The following LONRF2 variants were observed in gnomAD, a reference collection of about 807,000 sequenced individuals.
LONRF2 encodes the protein LON peptidase N-terminal domain and RING finger protein 2.
Under a neutral mutation model 66.6 loss-of-function variants are expected in LONRF2, and 35 were observed. The observed-to-expected ratio is 0.53, with a 90% confidence interval of 0.40 to 0.70. The LOEUF (loss-of-function observed/expected upper bound fraction) is 0.70, where lower values mean the gene tolerates loss of function less well. Ranked by LOEUF, LONRF2 falls within the 30% of genes least tolerant of loss-of-function variation. The pLI is 0.00. For synonymous variants in LONRF2, 417 were observed against 418.1 expected (o/e 1.00, Z 0.03); for missense variants, 902 against 1,002.1 (o/e 0.90, Z 1.35).
rs1674569873 is a variant in LONRF2, at chr2:100,275,004, G to A, written c.*9294C>T. 6.6e-6 allele frequency: 1 copy of A among 152,328 alleles called. No individual in the cohort carries two copies. The highest frequency in any genetic ancestry group is 2.1e-4 in the South Asian group (1 of 4,832). 9.4% of individuals were successfully genotyped at this position (152,328 alleles called of 1,614,324 possible). A position where few individuals can be genotyped will look rare whatever the true frequency, so the allele number is the denominator to read the frequency against. ...TGGCACAGGGCATGCCTCGCCTCTT[G>A]GCTGCGCGTGGCTTACTAACTGGAC... On this transcript the variant is annotated 3_prime_UTR_variant, in exon 12 of 12. Coordinates refer to ENST00000393437, the MANE Select transcript of LONRF2 (RefSeq NM_198461.4).
At chr2:100,305,168 A>C (rs190082047) in intron 2 of LONRF2, among the ~76,000 whole-genome samples, 1 of 152,274 alleles carries the variant, frequency 6.6e-6, no homozygotes, top group East Asian at 1.9e-4. Flanking sequence ...GTGGAGATAG[A>C]CAGAACTCAG....
Position 100,280,786 on chromosome 2 carries a change from A to G in LONRF2, c.*3512T>C, listed in dbSNP as rs1036809830. The G allele has an allele frequency of 1.3e-5, 2 of 152,270 alleles. No individual in the cohort carries two copies. Among genetic ancestry groups the G allele is most frequent in the African/African-American group, 2.4e-5 (1 of 41,552 alleles). 9.4% of individuals were successfully genotyped at this position (152,270 alleles called of 1,614,324 possible). ...ACAGAGTGAGACCCCATCTCAAAAA[A>G]AATAAAAATGGGGATACAGGGACCT... On this transcript the variant is annotated 3_prime_UTR_variant, in exon 12 of 12. Transcript: ENST00000393437.
rs1326830189 is a variant in LONRF2 at position 100,290,564 on chromosome 2, TAA to T, written c.1758-146_1758-145del. ...ATCAGACCAGCAAGGTTATTGTCGC[TAA>T]GAGACACGTGCACATGGTCGCTTCT... On this transcript the variant is annotated intron_variant, in intron 9 of 11. Transcript: ENST00000393437. 9 of 793,146 alleles carry T rather than the reference TAA, an allele frequency of 1.1e-5. No individual in the cohort carries two copies. In the African/African-American group the frequency reaches 1.2e-4, roughly 11 times the overall value. 49.1% of individuals were successfully genotyped at this position (793,146 alleles called of 1,614,324 possible).
intron 7 of LONRF2, among the ~76,000 whole-genome samples, chr2:100,297,888 A>G (rs1237754284): frequency 6.6e-6 from 1 of 152,232 alleles, no homozygotes; most frequent in Non-Finnish European, 1.5e-5. Context: ...TTGGCAGTAA[A>G]TTTTAAAGGT....
intron 3 of LONRF2, among the ~76,000 whole-genome samples, chr2:100,301,930 T>C (rs1410949505): frequency 6.6e-6 from 1 of 152,208 alleles, no homozygotes; most frequent in African/African-American, 2.4e-5. Flanking sequence ...CAAAAACCAA[T>C]GAGTGATACT....
At chr2:100,318,818 C>T (rs146209813) in intron 1 of LONRF2, among the ~76,000 whole-genome samples, 2,452 of 135,298 alleles carry the variant, frequency 0.018, 18 homozygotes, top group African/African-American at 0.033. Flanking sequence ...GGTGACAGAG[C>T]GAGACCTTGT....
rs139844859 is a variant in LONRF2 at position 100,313,486 on chromosome 2, C to A, written c.680-4261G>T. 3.0e-4 allele frequency among the ~76,000 whole-genome samples: 45 copies of A among 152,152 alleles called. 3 individuals are homozygous for A. The East Asian group carries it at 8.7e-3, about 29-fold the overall frequency. On this transcript the variant is annotated intron_variant, in intron 1 of 11. Coordinates refer to ENST00000393437, the MANE Select transcript of LONRF2 (RefSeq NM_198461.4). ...CTCTAGTCTGGGTGACAGAGTGAGA[C>A]CCAGTTTCAAATAAATAAATAAACA...
chr2:100,307,033 G>C (rs1675309660), intron 2 of LONRF2, among the ~76,000 whole-genome samples: 1 of 150,736 alleles, frequency 6.6e-6, no homozygotes, highest in South Asian at 2.1e-4. Context: ...CCATTCTCCT[G>C]CCTCCGCCTC....
At chr2:100,299,970 A>G (rs773221915) in intron 4 of LONRF2, 52 bp from the exon 5 acceptor site, 3 of 1,099,520 alleles carry the variant, frequency 2.7e-6, no homozygotes, top group South Asian at 1.4e-5. Flanking sequence ...ATCATAGCAT[A>G]AGAGAAAAAG....
At position 100,298,141 on chromosome 2, in the gene LONRF2, G is replaced by T. The variant is rs559946381; in HGVS notation, c.1476+695C>A. Among the ~76,000 whole-genome samples the T allele has an allele frequency of 2.0e-5, 3 of 152,304 alleles. No homozygotes were observed. In the East Asian group the frequency reaches 5.8e-4, roughly 29 times the overall value. On this transcript the variant is annotated intron_variant, in intron 7 of 11. Transcript: ENST00000393437. Reference sequence around the variant, plus strand: ...TGTTATATGACTTGCTCCATAGAAAGTTCATGGCACTAATAGGACCACAGC... The same window carrying T: ...TGTTATATGACTTGCTCCATAGAAATTTCATGGCACTAATAGGACCACAGC...
At position 100,283,917 on chromosome 2, in the gene LONRF2, C is replaced by T. The variant is rs3748928; in HGVS notation, c.*381G>A. ...CCCATATTGTCTACACACTAAAGCA[C>T]GCCTTTACCATCTGGCAGAGCCAGA... On this transcript the variant is annotated 3_prime_UTR_variant, in exon 12 of 12. Coordinates refer to ENST00000393437, the MANE Select transcript of LONRF2 (RefSeq NM_198461.4). The T allele has an allele frequency of 0.22, 34,792 of 161,042 alleles. 4,262 individuals carry two copies. The highest frequency in any genetic ancestry group is 0.41 in the East Asian group (2,267 of 5,538). The allele number at this position is 161,042 out of a possible 1,614,324, so 10.0% of individuals were successfully genotyped here. A position where few individuals can be genotyped will look rare whatever the true frequency, so the allele number is the denominator to read the frequency against.
At chr2:100,306,759 C>T (rs1675298969) in intron 2 of LONRF2, among the ~76,000 whole-genome samples, 1 of 152,184 alleles carries the variant, frequency 6.6e-6, no homozygotes, top group Admixed American at 6.5e-5. Context: ...TCAGCTTGAT[C>T]ACACTCAGCC....
chr2:100,292,752 A>G (rs1158204893), intron 9 of LONRF2, among the ~76,000 whole-genome samples: 2 of 152,174 alleles, frequency 1.3e-5, no homozygotes, highest in South Asian at 4.1e-4. Flanking sequence ...CCCCACTCCT[A>G]ATTATAAAGG....
At chr2:100,298,769 CAG>C in intron 7 of LONRF2, 65 bp downstream of exon 7, 1 of 1,170,054 alleles carries the variant, frequency 8.5e-7, no homozygotes, top group Non-Finnish European at 1.3e-6. Context: ...CAACACGAGA[CAG>C]GGAGTAAGCG....
At chr2:100,292,073 T>C (rs1674972916) in intron 9 of LONRF2, among the ~76,000 whole-genome samples, 1 of 152,190 alleles carries the variant, frequency 6.6e-6, no homozygotes, top group Admixed American at 6.5e-5. Context: ...GCAGCGATGA[T>C]TCAAACTGCC....
intron 1 of LONRF2, among the ~76,000 whole-genome samples, chr2:100,310,893 T>C (rs563403010): frequency 2.3e-4 from 35 of 152,342 alleles, no homozygotes; most frequent in African/African-American, 7.9e-4. Flanking sequence ...AAGTACTTTT[T>C]TGTAATACAG....
At chr2:100,318,333 T>C (rs1456455551) in intron 1 of LONRF2, among the ~76,000 whole-genome samples, 4 of 152,248 alleles carry the variant, frequency 2.6e-5, no homozygotes, top group Non-Finnish European at 5.9e-5. Context: ...GAATGCTTTA[T>C]ATTTTCATAC....
rs191551745 is a variant in LONRF2, at chr2:100,289,117, C to A, written c.1920+1141G>T. Among the ~76,000 whole-genome samples the A allele has an allele frequency of 4.6e-5, 7 of 152,242 alleles. No individual in the cohort carries two copies. In the East Asian group the frequency reaches 1.4e-3, roughly 29 times the overall value. The stretch of plus-strand genomic sequence containing the variant: ...GATTTTGTCACATTCTGAATTAATA[C>A]CAACCTAGAGAACAGGGACTGACAG... On this transcript the variant is annotated intron_variant, in intron 10 of 11. Coordinates refer to ENST00000393437, the MANE Select transcript of LONRF2 (RefSeq NM_198461.4).
In LONRF2 at chr2:100,274,436, G is replaced by C. The variant is rs1674557488; in HGVS notation, c.*9862C>G. On this transcript the variant is annotated 3_prime_UTR_variant, in exon 12 of 12. Coordinates refer to ENST00000393437, the MANE Select transcript of LONRF2 (RefSeq NM_198461.4). ...TCTTCTAGAAGCTGTAACCTGAAAT[G>C]CTAGAATGAGCTTATATTAATCATG... The C allele has an allele frequency of 6.6e-6, 1 of 152,226 alleles. No homozygotes were observed. The highest frequency in any genetic ancestry group is 1.5e-5 in the Non-Finnish European group (1 of 68,046). The allele number at this position is 152,226 out of a possible 1,614,324, so 9.4% of individuals were successfully genotyped here. A position where few individuals can be genotyped will look rare whatever the true frequency, so the allele number is the denominator to read the frequency against.
Sources: gnomAD v4.1 joint callset for allele counts (sites outside exome capture counted in the v4.1 genomes callset) on GRCh38, gnomAD v4.1.1 for gene constraint, MANE v1.5 for transcripts, NCBI Gene and HGNC (gene_info 2026-07-23, HGNC 2026-07-21) for gene names.